The following STX17 variants were observed in gnomAD, a reference collection of about 807,000 sequenced individuals.
STX17 encodes the protein syntaxin-17.
STX17 carries 29 observed loss-of-function variants against 35.9 expected under a neutral mutation model. The observed-to-expected ratio is 0.81, with a 90% CI of 0.60 to 1.10. The LOEUF is 1.10. Among genes scored for constraint, STX17 ranks in the 50% least tolerant of loss-of-function variants. STX17 has a pLI of 0.00. For missense variants in STX17, 312 were observed against 352.3 expected (o/e 0.89, Z 0.92); for synonymous variants, 92 against 118.3 (o/e 0.78, Z 1.44).
chr9:99,910,319 A>G (rs1316847912), intron 1 of STX17, among the ~76,000 whole-genome samples: 2 of 152,230 alleles, frequency 1.3e-5, no homozygotes, highest in African/African-American at 4.8e-5. Context: ...AAAGTAAAGC[A>G]ATAATGAGAC....
intron 1 of STX17, among the ~76,000 whole-genome samples, chr9:99,909,925 T>A (rs991876144): frequency 6.6e-6 from 1 of 151,772 alleles, no homozygotes; most frequent in African/African-American, 2.4e-5. Flanking sequence ...CCCACAAAAA[T>A]TAAAAATTAA....
At chr9:99,914,614 G>C (rs148865555) in intron 1 of STX17, among the ~76,000 whole-genome samples, 137 of 152,246 alleles carry the variant, frequency 9.0e-4, no homozygotes, top group African/African-American at 3.2e-3. Flanking sequence ...AAATGGAAGA[G>C]GCAGTTTAAA....
chr9:99,916,526 T>C (rs1193560329), intron 2 of STX17, among the ~76,000 whole-genome samples: 1 of 152,016 alleles, frequency 6.6e-6, no homozygotes, highest in Non-Finnish European at 1.5e-5. Context: ...ACATTATTCA[T>C]TACTCAACTC....
At chr9:99,912,256 T>A (rs1318821117) in intron 1 of STX17, among the ~76,000 whole-genome samples, 1 of 152,036 alleles carries the variant, frequency 6.6e-6, no homozygotes, top group Non-Finnish European at 1.5e-5. Flanking sequence ...AGGCCTCTTT[T>A]GCTACATCCT....
Position 99,971,779 on chromosome 9 carries a change from G to C in STX17, c.*3106G>C, listed in dbSNP as rs190976658. Among the ~76,000 whole-genome samples, 1 of 152,338 alleles carries C rather than the reference G, an allele frequency of 6.6e-6. No homozygotes were observed. The highest frequency in any genetic ancestry group is 1.5e-5 in the Non-Finnish European group (1 of 68,036). ...CTCATGCCTGCAATCCCAGCACTTA[G>C]GGAGGCAGAGGCCAGAGGATCACTT... On this transcript the variant is annotated 3_prime_UTR_variant, in exon 8 of 8. Transcript: ENST00000259400.
In STX17 at chr9:99,959,943, G is replaced by A. The variant is rs2118519091; in HGVS notation, c.442G>A (p.Ala148Thr). 1 of 1,613,518 alleles carries A rather than the reference G, an allele frequency of 6.2e-7. No individual in the cohort carries two copies. Among genetic ancestry groups the A allele is most frequent in the Non-Finnish European group, 8.5e-7 (1 of 1,179,838 alleles). ...GGAFHTTEAE[A>T]SSQSLTQIYA... is the part of the protein sequence containing the mutation. ...AGCATTTCATACTACTGAAGCTGAA[G>A]CTAGTTCTCAGAGTTTGACTCAGAT... Residue 148 changes from alanine to threonine, a missense_variant, in exon 5 of 8, where the codon GCT becomes ACT. Ala to Thr is a moderately conservative substitution (Grantham distance 58). Transcript: ENST00000259400.
chr9:99,945,142 A>T (rs1419401678), intron 3 of STX17, among the ~76,000 whole-genome samples: 2 of 152,130 alleles, frequency 1.3e-5, no homozygotes, highest in African/African-American at 4.8e-5. Flanking sequence ...TTATTGTTCA[A>T]ATCCTCTATA....
At chr9:99,946,480 A>G (rs1829485256) in intron 3 of STX17, among the ~76,000 whole-genome samples, 1 of 152,206 alleles carries the variant, frequency 6.6e-6, no homozygotes, top group Non-Finnish European at 1.5e-5. Context: ...CTACTTTTAT[A>G]TAAATATTTC....
chr9:99,928,253 T>G (rs1291511832), intron 2 of STX17, among the ~76,000 whole-genome samples: 2 of 152,164 alleles, frequency 1.3e-5, no homozygotes, highest in Non-Finnish European at 2.9e-5. Flanking sequence ...CTCTGAAAGC[T>G]AACAGTTGCC....
At position 99,968,415 on chromosome 9, in the gene STX17, A is replaced by G. The variant is rs1037973256; in HGVS notation, c.670-19A>G. The G allele has an allele frequency of 2.2e-6, 3 of 1,349,192 alleles. No homozygotes were observed. The highest frequency in any genetic ancestry group is 3.0e-6 in the Non-Finnish European group (3 of 1,010,954). The allele number at this position is 1,349,192 out of a possible 1,614,324, so 83.6% of individuals were successfully genotyped here. A position where few individuals can be genotyped will look rare whatever the true frequency, so the allele number is the denominator to read the frequency against. ...ATTCTCAACTCAGTTTCTAAATTGA[A>G]TTTTTTTTTTTTTTACAGGCTGCAA... On this transcript the variant is annotated intron_variant, in intron 7 of 7. Transcript: ENST00000259400.
intron 4 of STX17, among the ~76,000 whole-genome samples, chr9:99,957,892 GT>G (rs1217782177): frequency 1.3e-5 from 2 of 151,528 alleles, no homozygotes; most frequent in Non-Finnish European, 2.9e-5. Context: ...AGCTCAGGTG[GT>G]TTTTTTACTC....
intron 2 of STX17, among the ~76,000 whole-genome samples, chr9:99,922,710 G>GA (rs1828912307): frequency 6.6e-6 from 1 of 152,184 alleles, no homozygotes; most frequent in African/African-American, 2.4e-5. Context: ...TGGGCAAGAT[G>GA]GAATCACTCA....
intron 3 of STX17, among the ~76,000 whole-genome samples, chr9:99,933,431 TTCAGAA>T (rs1829165451): frequency 1.3e-5 from 2 of 152,280 alleles, no homozygotes; most frequent in South Asian, 4.1e-4. Flanking sequence ...CCATATGAAA[TTCAGAA>T]TCAGCTTTTC....
In STX17 at chr9:99,969,286, C is replaced by T. The variant is rs973869541; in HGVS notation, c.*613C>T. 1.3e-5 allele frequency: 2 copies of T among 152,196 alleles called. No individual in the cohort carries two copies. Among genetic ancestry groups the T allele is most frequent in the Admixed American group, 6.5e-5 (1 of 15,274 alleles). The allele number at this position is 152,196 out of a possible 1,614,324, so 9.4% of individuals were successfully genotyped here. On this transcript the variant is annotated 3_prime_UTR_variant, in exon 8 of 8. Transcript: ENST00000259400. ...AAAATCTTCTGGCTTCTGAACTCTT[C>T]CTCTGCCTCTCTTTAAATAAATAAC...
intron 3 of STX17, among the ~76,000 whole-genome samples, chr9:99,936,302 G>T (rs1221906708): frequency 6.6e-6 from 1 of 152,136 alleles, no homozygotes; most frequent in African/African-American, 2.4e-5. Flanking sequence ...CAAAATGATT[G>T]TATCGTTTTA....
chr9:99,950,913 A>T, intron 3 of STX17, 147 bp from the exon 4 acceptor site: 1 of 756,558 alleles, frequency 1.3e-6, no homozygotes, highest in South Asian at 2.1e-5. Context: ...AGCCAGAGAC[A>T]TGGAAAATGT....
At chr9:99,953,322 A>G (rs1829642758) in intron 4 of STX17, among the ~76,000 whole-genome samples, 1 of 152,030 alleles carries the variant, frequency 6.6e-6, no homozygotes, top group African/African-American at 2.4e-5. Flanking sequence ...TTATAAACAT[A>G]AATACATAAA....
At chr9:99,919,499 A>G (rs1828850525) in intron 2 of STX17, among the ~76,000 whole-genome samples, 1 of 152,220 alleles carries the variant, frequency 6.6e-6, no homozygotes, top group African/African-American at 2.4e-5. Context: ...AGTCAGTTAC[A>G]ACATATCCAT....
intron 1 of STX17, chr9:99,914,091 C>T (rs1410501082): frequency 6.6e-6 from 1 of 151,972 alleles, no homozygotes; most frequent in Non-Finnish European, 1.5e-5. Flanking sequence ...AGACATGAGC[C>T]ACCGTACCCG....
Sources: gnomAD v4.1 joint callset for allele counts (sites outside exome capture counted in the v4.1 genomes callset) on GRCh38, gnomAD v4.1.1 for gene constraint, MANE v1.5 for transcripts, NCBI Gene and HGNC (gene_info 2026-07-23, HGNC 2026-07-21) for gene names.